SLC12A6: variants seen among roughly 807,000 people sequenced by gnomAD.
SLC12A6 encodes the protein K-Cl cotransporter 3.
A neutral mutation model predicts 135.3 loss-of-function variants in SLC12A6; 66 were observed. The observed-to-expected ratio is 0.49, with a 90% CI of 0.40 to 0.60. The LOEUF is 0.60. Among genes scored for constraint, SLC12A6 ranks in the 20% least tolerant of loss-of-function variants. The pLI is 0.00. For synonymous variants in SLC12A6, 513 were observed against 508.8 expected (o/e 1.01, Z -0.11); for missense variants, 1,058 against 1,452.3 (o/e 0.73, Z 4.41).
At chr15:34,275,307 G>GATAA (rs1894223642) in intron 3 of SLC12A6, 38 bp downstream of exon 3, 1 of 1,062,584 alleles carries the variant, frequency 9.4e-7, no homozygotes, top group Non-Finnish European at 1.5e-6. Context: ...AGTTAAGGGT[G>GATAA]ACTTTGGATA....
At chr15:34,237,221 A>G in intron 22 of SLC12A6, 198 bp downstream of exon 22, 1 of 529,580 alleles carries the variant, frequency 1.9e-6, no homozygotes, top group East Asian at 3.5e-5. Flanking sequence ...AGCAAAACCA[A>G]AAAATAACAT....
chr15:34,334,921 C>A (rs560927716), intron 2 of SLC12A6, among the ~76,000 whole-genome samples: 11 of 152,288 alleles, frequency 7.2e-5, no homozygotes, highest in African/African-American at 2.6e-4. Context: ...ATTACTAAGT[C>A]CACTTTTCCA....
Position 34,236,088 on chromosome 15 carries a change from C to G in SLC12A6, c.3154G>C (p.Asp1052His). The change falls in exon 24 of 26, where the codon GAC (aspartate) becomes CAC (histidine). Residue 1052 changes from aspartate to histidine, a missense_variant. This residue lies in a region of SLC12A6 where 245 missense variants were observed against 440.8 expected (regional missense o/e 0.56). Transcript: ENST00000354181. ...TGTCCCCGGGATGCCATGTACTTGT[C>G]TTTTGTCCAAGTCATGTGCACCTTC... is the stretch of plus-strand genomic sequence containing the variant. ...QEKVHMTWTK[D>H]KYMASRGQKA... is the part of the protein sequence containing the mutation. 6.2e-7 allele frequency: 1 copy of G among 1,613,960 alleles called. No homozygotes were observed. Among genetic ancestry groups the G allele is most frequent in the Non-Finnish European group, 8.5e-7 (1 of 1,179,826 alleles).
chr15:34,271,946 G>A (rs1463224906), intron 3 of SLC12A6, among the ~76,000 whole-genome samples: 3 of 151,972 alleles, frequency 2.0e-5, no homozygotes, highest in African/African-American at 7.2e-5. Context: ...GGAGAGCTGG[G>A]AAGATTTTCT....
chr15:34,233,833 A>T lies in SLC12A6; in HGVS notation c.*48T>A. ...TAATGAGCTGGCACTTCCATGGAGG[A>T]CGTAGGCCTTTTAAGAAAACAGGTC... On this transcript the variant is annotated 3_prime_UTR_variant, in exon 26 of 26. Transcript: ENST00000354181. 1.0e-6 allele frequency: 1 copy of T among 957,832 alleles called. No individual in the cohort carries two copies. Among genetic ancestry groups the T allele is most frequent in the Non-Finnish European group, 1.7e-6 (1 of 580,656 alleles). The allele number at this position is 957,832 out of a possible 1,614,324, so 59.3% of individuals were successfully genotyped here.
At chr15:34,292,479 C>G (rs777709189) in intron 2 of SLC12A6, among the ~76,000 whole-genome samples, 12 of 152,186 alleles carry the variant, frequency 7.9e-5, no homozygotes, top group Admixed American at 4.6e-4. Flanking sequence ...TGTGTCCATT[C>G]TTAGAGCTCA....
chr15:34,286,835 C>T (rs1895115172), intron 2 of SLC12A6, among the ~76,000 whole-genome samples: 1 of 152,088 alleles, frequency 6.6e-6, no homozygotes, highest in African/African-American at 2.4e-5. Context: ...GCAACCTTAT[C>T]TCCTAATTCA....
chr15:34,285,706 G>A (rs1242306325), intron 2 of SLC12A6, among the ~76,000 whole-genome samples: 3 of 520 alleles, frequency 5.8e-3, no homozygotes, highest in East Asian at 0.11. Context: ...GTGTGTGTGT[G>A]TGTGTGTTTG....
chr15:34,326,146 T>A (rs572175879), intron 2 of SLC12A6, among the ~76,000 whole-genome samples: 12 of 152,328 alleles, frequency 7.9e-5, no homozygotes, highest in African/African-American at 2.6e-4. Flanking sequence ...TTTCAGCATA[T>A]CACAACTCTT....
intron 1 of SLC12A6, chr15:34,337,034 G>A (rs1890246369): frequency 2.9e-6 from 1 of 348,272 alleles, no homozygotes; most frequent in Non-Finnish European, 5.4e-6. Context: ...TCTCAGGGCA[G>A]CAGATGAAGC....
chr15:34,316,242 A>G (rs1049555483), intron 2 of SLC12A6, among the ~76,000 whole-genome samples: 2 of 152,216 alleles, frequency 1.3e-5, no homozygotes, highest in Non-Finnish European at 2.9e-5. Context: ...TACTGGTTAT[A>G]TAACTGGCCA....
intron 2 of SLC12A6, among the ~76,000 whole-genome samples, chr15:34,315,764 T>C (rs1888601380): frequency 6.6e-6 from 1 of 151,948 alleles, no homozygotes; most frequent in South Asian, 2.1e-4. Flanking sequence ...GGCGGGCGGA[T>C]CACGAAGTCA....
rs1014636772 is a variant in SLC12A6 at position 34,246,433 on chromosome 15, G to A, written c.1650-566C>T. Among the ~76,000 whole-genome samples the A allele has an allele frequency of 7.9e-5, 12 of 152,012 alleles. No homozygotes were observed. The South Asian group carries it at 2.1e-3, about 26-fold the overall frequency. ...AAAATATCTGCTTTTTAGAAAAATC[G>A]CGATCTCACTGCACTATAATTCTGT... On this transcript the variant is annotated intron_variant, in intron 13 of 25. Coordinates refer to ENST00000354181, the MANE Select transcript of SLC12A6 (RefSeq NM_001365088.1).
At chr15:34,273,322 G>A (rs1894089041) in intron 3 of SLC12A6, among the ~76,000 whole-genome samples, 1 of 152,172 alleles carries the variant, frequency 6.6e-6, no homozygotes, top group African/African-American at 2.4e-5. Context: ...CCGCACTCCA[G>A]CCTGGGTGAC....
intron 2 of SLC12A6, among the ~76,000 whole-genome samples, chr15:34,278,786 G>A (rs1894471768): frequency 6.6e-6 from 1 of 151,784 alleles, no homozygotes; most frequent in African/African-American, 2.4e-5. Context: ...GGCCAGACTG[G>A]TCTTGAACTC....
intron 19 of SLC12A6, among the ~76,000 whole-genome samples, chr15:34,239,834 C>G (rs571222041): frequency 1.2e-4 from 19 of 152,112 alleles, no homozygotes; most frequent in Admixed American, 2.0e-4. Flanking sequence ...GAACTAGGCT[C>G]TCCTGATTTT....
In SLC12A6 at chr15:34,241,201, G is replaced by A. The variant is rs772571158; in HGVS notation, c.2267+32C>T. ...ACACATATTTTTGTGTGTTAACCAT[G>A]TGCCAAATACTGCTAGTGTTGATTT... On this transcript the variant is annotated intron_variant, in intron 18 of 25. Transcript: ENST00000354181. 7.3e-6 allele frequency: 8 copies of A among 1,089,186 alleles called. No individual in the cohort carries two copies. In the East Asian group the frequency reaches 1.9e-4, roughly 26 times the overall value. The allele number at this position is 1,089,186 out of a possible 1,614,324, so 67.5% of individuals were successfully genotyped here.
intron 3 of SLC12A6, among the ~76,000 whole-genome samples, chr15:34,261,745 G>C (rs188414954): frequency 6.6e-6 from 1 of 152,360 alleles, no homozygotes; most frequent in African/African-American, 2.4e-5. Context: ...CTCCACAGCT[G>C]TCTGACCTTT....
At chr15:34,286,318 T>A (rs920244556) in intron 2 of SLC12A6, among the ~76,000 whole-genome samples, 1 of 151,626 alleles carries the variant, frequency 6.6e-6, no homozygotes, top group Non-Finnish European at 1.5e-5. Context: ...TCAAGTGATC[T>A]GCCCACCTCA....
Sources: allele counts gnomAD v4.1 joint callset (sites outside exome capture counted in the v4.1 genomes callset), GRCh38; gene constraint gnomAD v4.1.1; regional missense constraint gnomAD v4.1.1; transcripts MANE v1.5; gene names NCBI Gene and HGNC (gene_info 2026-07-23, HGNC 2026-07-21).